The following IL34 variants were observed in gnomAD, a reference collection of about 807,000 sequenced individuals.
The protein encoded by IL34 is interleukin-34.
IL34 carries 17 observed loss-of-function variants against 25.3 expected under a neutral mutation model. The ratio of observed to expected loss-of-function variants is 0.67; its 90% CI spans 0.46 to 1.01. IL34 has a LOEUF of 1.01. Ranked by LOEUF, IL34 falls within the 50% of genes least tolerant of loss-of-function variation. The pLI, the probability that IL34 is intolerant of heterozygous loss-of-function variation, is 0.00. For synonymous variants in IL34, 174 were observed against 140.9 expected (o/e 1.23, Z -1.66); for missense variants, 368 against 312.9 (o/e 1.18, Z -1.33).
chr16:70,657,196 A>T, intron 4 of IL34, 75 bp downstream of exon 4: 1 of 1,483,744 alleles, frequency 6.7e-7, no homozygotes, highest in Admixed American at 1.9e-5. Context: ...AGGTGTGGCC[A>T]AAGGCTAGTG....
chr16:70,644,678 C>T (rs74685786), upstream of IL34, among the ~76,000 whole-genome samples: 185 of 128,278 alleles, frequency 1.4e-3, 3 homozygotes, highest in East Asian at 0.036. Context: ...GCTGTAACAG[C>T]AGGGGAATTG....
intron 2 of IL34, among the ~76,000 whole-genome samples, chr16:70,656,123 C>T (rs777386630): frequency 3.3e-5 from 5 of 152,152 alleles, no homozygotes; most frequent in Admixed American, 6.6e-5. Context: ...TTTCACCCAC[C>T]CTGAGTCCCA....
intron 1 of IL34, among the ~76,000 whole-genome samples, chr16:70,652,111 G>A (rs2052095655): frequency 6.6e-6 from 1 of 151,166 alleles, no homozygotes; most frequent in African/African-American, 2.4e-5. Context: ...CTGGGTGACA[G>A]AGCGGGACTC....
chr16:70,649,333 C>G (rs988614828), intron 1 of IL34, among the ~76,000 whole-genome samples: 1 of 152,142 alleles, frequency 6.6e-6, no homozygotes, highest in Non-Finnish European at 1.5e-5. Flanking sequence ...GCAGTTTATG[C>G]AGACATTTCT....
intron 1 of IL34, among the ~76,000 whole-genome samples, chr16:70,615,463 C>CTT (rs2051159529): frequency 6.6e-6 from 1 of 151,872 alleles, no homozygotes; most frequent in Admixed American, 6.6e-5. Context: ...GCCGAGATTG[C>CTT]GCCACTGCAC....
intron 1 of IL34, among the ~76,000 whole-genome samples, chr16:70,616,298 C>G (rs2051172482): frequency 6.6e-6 from 1 of 152,188 alleles, no homozygotes; most frequent in Non-Finnish European, 1.5e-5. Context: ...ATTTGCACTT[C>G]CATCAGCTTT....
chr16:70,650,202 G>A (rs1265561271), intron 1 of IL34, among the ~76,000 whole-genome samples: 4 of 152,172 alleles, frequency 2.6e-5, no homozygotes, highest in African/African-American at 4.8e-5. Flanking sequence ...TGCAGAGCAT[G>A]TGGGGGACAG....
intron 1 of IL34, among the ~76,000 whole-genome samples, chr16:70,621,888 G>C (rs12925625): frequency 0.38 from 57,959 of 151,564 alleles, 11,787 homozygotes; most frequent in South Asian, 0.61. Flanking sequence ...AATGTCATCA[G>C]TTAAGGCAAG....
chr16:70,597,699 T>C (rs1011292796), intron 1 of IL34, among the ~76,000 whole-genome samples: 4 of 152,242 alleles, frequency 2.6e-5, no homozygotes, highest in Non-Finnish European at 5.9e-5. Context: ...GTACACTCTA[T>C]ACAAATGTAA....
At chr16:70,653,942 C>G (rs1310159427) in intron 1 of IL34, among the ~76,000 whole-genome samples, 2 of 152,042 alleles carry the variant, frequency 1.3e-5, no homozygotes, top group African/African-American at 2.4e-5. Context: ...TCGTTTGTTG[C>G]AGGAAGAGAG....
chr16:70,587,044 T>C (rs1038879886), intron 1 of IL34, among the ~76,000 whole-genome samples: 1 of 152,142 alleles, frequency 6.6e-6, no homozygotes, highest in African/African-American at 2.4e-5. Context: ...CCCAGAATGC[T>C]AGCTAGTGTC....
chr16:70,612,400 G>A (rs1477821399), intron 1 of IL34, among the ~76,000 whole-genome samples: 2 of 151,922 alleles, frequency 1.3e-5, no homozygotes, highest in Admixed American at 1.3e-4. Flanking sequence ...GGAATACGGT[G>A]CAGAGGCCAA....
At chr16:70,603,965 T>C (rs139693327) in intron 1 of IL34, among the ~76,000 whole-genome samples, 1 of 152,312 alleles carries the variant, frequency 6.6e-6, no homozygotes, top group East Asian at 1.9e-4. Flanking sequence ...CAGAGAAGAT[T>C]TGCCAGCCCT....
At chr16:70,628,226 G>A (rs1425395113) in intron 1 of IL34, among the ~76,000 whole-genome samples, 1 of 151,896 alleles carries the variant, frequency 6.6e-6, no homozygotes, top group Non-Finnish European at 1.5e-5. Flanking sequence ...AAATGCATTG[G>A]GATTGCTTTA....
chr16:70,659,338 G>A (rs1247838744), intron 4 of IL34, among the ~76,000 whole-genome samples: 1 of 152,212 alleles, frequency 6.6e-6, no homozygotes, highest in Non-Finnish European at 1.5e-5. Flanking sequence ...GGTGCAGTTT[G>A]CCCCACTTTC....
At chr16:70,600,737 G>A (rs1372350863) in intron 1 of IL34, among the ~76,000 whole-genome samples, 2 of 152,232 alleles carry the variant, frequency 1.3e-5, no homozygotes, top group Non-Finnish European at 2.9e-5. Flanking sequence ...TATGTTGGTA[G>A]CTGTTTCTGG....
At chr16:70,585,273 T>C (rs1340830147) in intron 1 of IL34, among the ~76,000 whole-genome samples, 1 of 152,202 alleles carries the variant, frequency 6.6e-6, no homozygotes, top group Admixed American at 6.5e-5. Context: ...AGTCTTGCTC[T>C]GTCATCCAGG....
chr16:70,613,864 ACT>A (rs1487538727), intron 1 of IL34, among the ~76,000 whole-genome samples: 1 of 139,610 alleles, frequency 7.2e-6, no homozygotes, highest in Non-Finnish European at 1.5e-5. Context: ...ACAGAGTGAG[ACT>A]CTGTCTCAGG....
chr16:70,629,090 T>G (rs12935541), intron 1 of IL34, among the ~76,000 whole-genome samples: 43,290 of 152,132 alleles, frequency 0.28, 6,463 homozygotes, highest in South Asian at 0.45. Flanking sequence ...GGCTATTGTT[T>G]ATAGTAGTTT....
Sources: gnomAD v4.1 joint callset for allele counts (sites outside exome capture counted in the v4.1 genomes callset) on GRCh38, gnomAD v4.1.1 for gene constraint, MANE v1.5 for transcripts, NCBI Gene and HGNC (gene_info 2026-07-23, HGNC 2026-07-21) for gene names.